The following DAB1 variants were observed in gnomAD, a reference collection of about 807,000 sequenced individuals.
DAB1 encodes the protein DAB adaptor protein 1.
Under a neutral mutation model 64.6 loss-of-function variants are expected in DAB1, and 15 were observed. The observed-to-expected ratio is 0.23, with a 90% CI of 0.16 to 0.36. The LOEUF (loss-of-function observed/expected upper bound fraction) is 0.36. Among genes scored for constraint, DAB1 ranks in the 10% least tolerant of loss-of-function variants. The pLI is 1.00. For missense variants in DAB1, 596 were observed against 706.7 expected (o/e 0.84, Z 1.78); for synonymous variants, 235 against 251.9 (o/e 0.93, Z 0.64).
chr1:58,053,112 G>A (rs7543602), intron 5 of DAB1, among the ~76,000 whole-genome samples: 52,333 of 151,936 alleles, frequency 0.34, 9,718 homozygotes, highest in African/African-American at 0.5. Flanking sequence ...CTATTCATGA[G>A]GGATCCACCC....
chr1:57,465,105 C>T (rs1686911827), intron 7 of DAB1, among the ~76,000 whole-genome samples: 2 of 152,120 alleles, frequency 1.3e-5, no homozygotes, highest in East Asian at 1.9e-4. Flanking sequence ...GGCTTCCTGT[C>T]CTCTAGTTCA....
chr1:57,924,916 A>G (rs1050235848), intron 5 of DAB1, among the ~76,000 whole-genome samples: 3 of 152,130 alleles, frequency 2.0e-5, no homozygotes, highest in African/African-American at 7.2e-5. Flanking sequence ...AATAATTATT[A>G]TTATCACCAT....
rs141104064 is a variant in DAB1 at position 57,105,445 on chromosome 1, G to C, written c.306+31098C>G. On this transcript the variant is annotated intron_variant, in intron 4 of 14. Transcript: ENST00000371236. ...ATCCCCCTGTTGTTTGCTGCTCCAA[G>C]GAAAGGTGGGAGCAGCCGCAGTCGC... Among the ~76,000 whole-genome samples the C allele has an allele frequency of 3.1e-3, 477 of 152,172 alleles. 1 individual carries two copies. Among genetic ancestry groups the C allele is most frequent in the African/African-American group, 0.011 (456 of 41,536 alleles).
At chr1:58,186,201 G>A (rs754920723) in intron 4 of DAB1, among the ~76,000 whole-genome samples, 2 of 152,146 alleles carry the variant, frequency 1.3e-5, no homozygotes, top group Non-Finnish European at 2.9e-5. Flanking sequence ...CTTCAAGCCT[G>A]AGTGCAGCAG....
intron 5 of DAB1, among the ~76,000 whole-genome samples, chr1:58,116,562 G>A (rs542819512): frequency 6.6e-6 from 1 of 152,118 alleles, no homozygotes; most frequent in Non-Finnish European, 1.5e-5. Context: ...CTTTTAAATA[G>A]GATTTGCCTG....
At chr1:57,638,041 T>C (rs1431832724) in intron 7 of DAB1, among the ~76,000 whole-genome samples, 3 of 152,306 alleles carry the variant, frequency 2.0e-5, no homozygotes, top group South Asian at 4.2e-4. Context: ...TATTTGTATT[T>C]ATAATCTGAT....
At chr1:57,844,368 A>G (rs1569833310) in intron 1 of DAB1, among the ~76,000 whole-genome samples, 1 of 152,218 alleles carries the variant, frequency 6.6e-6, no homozygotes, top group Admixed American at 6.5e-5. Context: ...ATGAATATGA[A>G]TCTTATCCAG....
At chr1:57,500,476 T>C (rs1296752929) in intron 7 of DAB1, among the ~76,000 whole-genome samples, 1 of 152,206 alleles carries the variant, frequency 6.6e-6, no homozygotes, top group African/African-American at 2.4e-5. Context: ...AAGAATTCAA[T>C]TACAGGAAAA....
intron 1 of DAB1, chr1:58,533,792 T>C (rs1371989661): frequency 5.0e-6 from 3 of 597,182 alleles, no homozygotes; most frequent in Non-Finnish European, 8.9e-6. Context: ...TTCTCAAAAT[T>C]AGCCAATCAC....
intron 7 of DAB1, among the ~76,000 whole-genome samples, chr1:57,613,717 C>A (rs1474797410): frequency 6.6e-6 from 1 of 152,150 alleles, no homozygotes; most frequent in Non-Finnish European, 1.5e-5. Flanking sequence ...GTCTTAAAAA[C>A]CAGATGGCAT....
intron 1 of DAB1, among the ~76,000 whole-genome samples, chr1:57,376,939 T>C (rs953602942): frequency 2.6e-5 from 4 of 152,192 alleles, no homozygotes; most frequent in Non-Finnish European, 2.9e-5. Context: ...TTGAAAGATA[T>C]GAATCTGATG....
At chr1:57,087,426 A>T (rs950044050) in intron 4 of DAB1, among the ~76,000 whole-genome samples, 3 of 152,212 alleles carry the variant, frequency 2.0e-5, no homozygotes, top group African/African-American at 7.2e-5. Context: ...AGAAGGGGAG[A>T]GAAGTACACT....
At chr1:57,183,700 C>A (rs910514654) in intron 2 of DAB1, among the ~76,000 whole-genome samples, 3 of 152,180 alleles carry the variant, frequency 2.0e-5, no homozygotes. Flanking sequence ...AACCTATGCA[C>A]CAAGCACTCC....
chr1:58,043,327 C>T (rs1281924244), intron 5 of DAB1, among the ~76,000 whole-genome samples: 1 of 152,068 alleles, frequency 6.6e-6, no homozygotes, highest in Non-Finnish European at 1.5e-5. Context: ...AAAATGAATG[C>T]CTTTAGGTAC....
At chr1:58,492,995 A>T (rs1645726713) in intron 3 of DAB1, among the ~76,000 whole-genome samples, 1 of 152,228 alleles carries the variant, frequency 6.6e-6, no homozygotes, top group Non-Finnish European at 1.5e-5. Flanking sequence ...ATCCCTGATG[A>T]ACATCAATGC....
chr1:57,135,945 T>C (rs1658042938), intron 4 of DAB1, among the ~76,000 whole-genome samples: 1 of 152,216 alleles, frequency 6.6e-6, no homozygotes, highest in African/African-American at 2.4e-5. Context: ...TGAACAGGAC[T>C]GACAGTGTCA....
intron 2 of DAB1, among the ~76,000 whole-genome samples, chr1:57,163,409 A>C (rs12404002): frequency 0.011 from 1,648 of 152,164 alleles, 15 homozygotes; most frequent in Non-Finnish European, 0.016. Context: ...CCTGTTTATA[A>C]AACAGAAAGG....
intron 4 of DAB1, among the ~76,000 whole-genome samples, chr1:58,221,414 T>C (rs1265110649): frequency 6.6e-6 from 1 of 152,220 alleles, no homozygotes; most frequent in Non-Finnish European, 1.5e-5. Flanking sequence ...TGTAAAATGA[T>C]AACAGCTCCT....
intron 3 of DAB1, among the ~76,000 whole-genome samples, chr1:58,372,359 C>G (rs1368320602): frequency 5.9e-5 from 9 of 152,162 alleles, no homozygotes; most frequent in Admixed American, 4.6e-4. Flanking sequence ...GCCAATTTCT[C>G]CCATTTAGAA....
Sources: gnomAD v4.1 joint callset for allele counts (sites outside exome capture counted in the v4.1 genomes callset) on GRCh38, gnomAD v4.1.1 for gene constraint, MANE v1.5 for transcripts, NCBI Gene and HGNC (gene_info 2026-07-23, HGNC 2026-07-21) for gene names.